The following N4BP2L2 variants were observed in gnomAD, a reference collection of about 807,000 sequenced individuals.
N4BP2L2 encodes NEDD4-binding protein 2-like 2.
A neutral mutation model predicts 56.2 loss-of-function variants in N4BP2L2; 50 were observed. That is an observed-to-expected ratio of 0.89 (90% CI 0.71 to 1.13). The LOEUF (loss-of-function observed/expected upper bound fraction) is 1.13. N4BP2L2 is among the 50% of genes most tolerant of loss of function. N4BP2L2 has a pLI of 0.00. For synonymous variants in N4BP2L2, 203 were observed against 223.6 expected (o/e 0.91, Z 0.82); for missense variants, 689 against 693.8 (o/e 0.99, Z 0.08).
intron 2 of N4BP2L2, 88 bp downstream of exon 2, chr13:32,535,681 T>C (rs779892961): frequency 2.8e-6 from 4 of 1,412,400 alleles, no homozygotes; most frequent in East Asian, 2.4e-5. Context: ...TGGGATTACA[T>C]GCATGAGTCA....
At chr13:32,536,881 T>C (rs369890765) in exon 2 of N4BP2L2, 3 of 1,613,970 alleles carry the variant, frequency 1.9e-6, no homozygotes, top group African/African-American at 2.7e-5. Context: ...CATTTCCAGT[T>C]TTCTCTTGGA....
intron 3 of N4BP2L2, chr13:32,523,706 A>G: frequency 6.6e-6 from 1 of 151,028 alleles, no homozygotes; most frequent in Non-Finnish European, 1.5e-5. Flanking sequence ...AAAAAAATTA[A>G]AAGGCTGACG....
chr13:32,501,096 G>A (rs545668486), intron 6 of N4BP2L2, among the ~76,000 whole-genome samples: 12 of 152,158 alleles, frequency 7.9e-5, no homozygotes, highest in Admixed American at 5.2e-4. Flanking sequence ...TTGAACTCCC[G>A]ACCTCAAGTG....
exon 5 of N4BP2L2, chr13:32,521,395 A>G (rs962379406): frequency 1.1e-5 from 17 of 1,612,410 alleles, no homozygotes; most frequent in Non-Finnish European, 1.4e-5. Flanking sequence ...TCAGGATCAA[A>G]TTTCCACCAA....
At chr13:32,446,388 C>T (rs760672843) in intron 6 of N4BP2L2, 7 of 1,365,264 alleles carry the variant, frequency 5.1e-6, no homozygotes, top group South Asian at 4.6e-5. Flanking sequence ...TAGTTGCAGT[C>T]CAAGGTGCAA....
exon 7 of N4BP2L2, chr13:32,443,472 C>T (rs1267083888): frequency 1.9e-6 from 3 of 1,613,418 alleles, no homozygotes; most frequent in East Asian, 2.2e-5. Flanking sequence ...TAGTTGTATA[C>T]ACTTGTTCCT....
intron 7 of N4BP2L2, among the ~76,000 whole-genome samples, chr13:32,441,943 G>T (rs1488995857): frequency 6.6e-6 from 1 of 151,980 alleles, no homozygotes; most frequent in East Asian, 1.9e-4. Context: ...GGGCGTGGTG[G>T]CGGGCGCCTG....
chr13:32,516,334 GAACA>G (rs1336789759), exon 6 of N4BP2L2: 1 of 152,090 alleles, frequency 6.6e-6, no homozygotes, highest in East Asian at 1.9e-4. Flanking sequence ...TAGTTAAGAT[GAACA>G]AATATATACA....
chr13:32,537,058 G>T (rs1157944195), intron 1 of N4BP2L2, 31 bp from the exon 2 acceptor site: 7 of 1,317,854 alleles, frequency 5.3e-6, no homozygotes, highest in Non-Finnish European at 7.0e-6. Flanking sequence ...ACAATTACTA[G>T]CTAATATATT....
chr13:32,462,422 T>C (rs1458160391), intron 6 of N4BP2L2, among the ~76,000 whole-genome samples: 1 of 152,096 alleles, frequency 6.6e-6, no homozygotes, highest in Non-Finnish European at 1.5e-5. Context: ...TGAATGATAG[T>C]TACCAGAGGC....
At chr13:32,478,191 A>G in intron 6 of N4BP2L2, 1 of 532,132 alleles carries the variant, frequency 1.9e-6, no homozygotes, top group East Asian at 7.0e-5. Flanking sequence ...TCTATTTTCT[A>G]ATAAAACAGG....
chr13:32,471,666 G>A (rs1056431764), intron 6 of N4BP2L2, among the ~76,000 whole-genome samples: 3 of 152,272 alleles, frequency 2.0e-5, no homozygotes, highest in African/African-American at 7.2e-5. Flanking sequence ...CTGTGTGTGG[G>A]AGTGGCAGGA....
intron 3 of N4BP2L2, among the ~76,000 whole-genome samples, chr13:32,526,351 C>G (rs1301555764): frequency 6.6e-6 from 1 of 152,204 alleles, no homozygotes; most frequent in Non-Finnish European, 1.5e-5. Context: ...GATTCAATTA[C>G]ACACTGGGTT....
At chr13:32,442,516 G>T in exon 7 of N4BP2L2, 1 of 1,613,772 alleles carries the variant, frequency 6.2e-7, no homozygotes, top group Non-Finnish European at 8.5e-7. Context: ...TAATTCCTTA[G>T]GTTCTTCCCA....
chr13:32,460,330 A>C (rs1052952366), intron 6 of N4BP2L2, among the ~76,000 whole-genome samples: 13 of 152,190 alleles, frequency 8.5e-5, no homozygotes, highest in African/African-American at 3.1e-4. Flanking sequence ...GAAAGAAATA[A>C]AAAGCATCCA....
chr13:32,456,314 T>C, intron 6 of N4BP2L2, among the ~76,000 whole-genome samples: 1 of 152,148 alleles, frequency 6.6e-6, no homozygotes. Context: ...CATGACTTCA[T>C]GCACCCAGAA....
chr13:32,457,079 C>G (rs1195321280), intron 6 of N4BP2L2, among the ~76,000 whole-genome samples: 1 of 152,176 alleles, frequency 6.6e-6, no homozygotes, highest in Admixed American at 6.5e-5. Context: ...GTGGAGGTTA[C>G]AGTGAGCTGA....
At chr13:32,492,641 T>C (rs2087433637) in intron 6 of N4BP2L2, among the ~76,000 whole-genome samples, 1 of 152,196 alleles carries the variant, frequency 6.6e-6, no homozygotes, top group Admixed American at 6.5e-5. Context: ...CCCGATTTAC[T>C]ACTTTTTGAG....
intron 6 of N4BP2L2, among the ~76,000 whole-genome samples, chr13:32,462,935 CG>C (rs1245786763): frequency 6.8e-6 from 1 of 146,488 alleles, no homozygotes; most frequent in Non-Finnish European, 1.5e-5. Context: ...CCCAGCTACA[CG>C]GGAGGCTGAG....
Sources: gnomAD v4.1 joint callset for allele counts (sites outside exome capture counted in the v4.1 genomes callset) on GRCh38, gnomAD v4.1.1 for gene constraint, MANE v1.5 for transcripts, NCBI Gene and HGNC (gene_info 2026-07-23, HGNC 2026-07-21) for gene names.